The following AGBL2 variants were observed in gnomAD, a reference collection of about 807,000 sequenced individuals.
AGBL2 encodes AGBL carboxypeptidase 2.
Under a neutral mutation model 103.0 loss-of-function variants are expected in AGBL2, and 87 were observed. That is an observed-to-expected ratio of 0.84 (90% CI 0.71 to 1.01). The LOEUF (loss-of-function observed/expected upper bound fraction) is 1.01. Ranked by LOEUF, AGBL2 falls within the 50% of genes least tolerant of loss-of-function variation. The probability of loss-of-function intolerance (pLI) is 0.00; values close to 1 mark genes in which losing one functional copy is unlikely to be tolerated. For synonymous variants in AGBL2, 335 were observed against 356.7 expected (o/e 0.94, Z 0.69); for missense variants, 904 against 1,023.5 (o/e 0.88, Z 1.59).
chr11:47,702,738 G>A (rs1365070366), intron 7 of AGBL2, among the ~76,000 whole-genome samples: 10 of 152,198 alleles, frequency 6.6e-5, no homozygotes, highest in Non-Finnish European at 1.3e-4. Context: ...GCTGGGTGCG[G>A]TGGTGGGTGC....
At chr11:47,661,219 T>A (rs1015984202) in intron 18 of AGBL2, among the ~76,000 whole-genome samples, 4 of 152,124 alleles carry the variant, frequency 2.6e-5, no homozygotes, top group Non-Finnish European at 5.9e-5. Context: ...TGGATAACAT[T>A]CATCCACTAC....
intron 8 of AGBL2, among the ~76,000 whole-genome samples, chr11:47,693,923 C>T (rs566020502): frequency 6.6e-6 from 1 of 152,212 alleles, no homozygotes; most frequent in African/African-American, 2.4e-5. Context: ...GGTGTAGTGG[C>T]TCATGCCTGT....
rs1013205713 is a variant in AGBL2, at chr11:47,710,485, C to T, written c.124G>A (p.Ala42Thr). Residue 42 changes from alanine (A) to threonine (T), a missense_variant, in exon 4 of 19, where the codon GCT becomes ACT. By Grantham distance (58) the Ala-to-Thr change is moderately conservative. Transcript: ENST00000525123. ...TTCTTCCGAACATGCTGATGCGTAGCAGAGTTTGGTAAACTGCCTCTCTGA... is the reference window on the plus strand; with the variant it reads ...TTCTTCCGAACATGCTGATGCGTAGTAGAGTTTGGTAAACTGCCTCTCTGA... ...KAQRGSLPNSATHQHVRKNNP... is the reference protein window; with the variant it reads ...KAQRGSLPNSTTHQHVRKNNP... 1 of 1,613,990 alleles carries T rather than the reference C, an allele frequency of 6.2e-7. No individual in the cohort carries two copies. Among genetic ancestry groups the T allele is most frequent in the African/African-American group, 1.3e-5 (1 of 74,918 alleles).
At chr11:47,691,729 A>AAAAT in intron 9 of AGBL2, among the ~76,000 whole-genome samples, 2 of 4,850 alleles carry the variant, frequency 4.1e-4, no homozygotes, top group Non-Finnish European at 7.3e-4. Flanking sequence ...AAAAAAAAAA[A>AAAAT]ATATATATAT....
chr11:47,662,556 G>A (rs1437260126), intron 18 of AGBL2, among the ~76,000 whole-genome samples: 4 of 146,210 alleles, frequency 2.7e-5, no homozygotes, highest in South Asian at 2.2e-4. Context: ...GCAATGGCAC[G>A]ATCTCAGCTC....
In AGBL2 at chr11:47,690,574, G is replaced by A. The variant is rs374430629; in HGVS notation, c.1133C>T (p.Thr378Met). 11 of 1,614,066 alleles carry A rather than the reference G, an allele frequency of 6.8e-6. No homozygotes were observed. Among genetic ancestry groups the A allele is most frequent in the African/African-American group, 2.7e-5 (2 of 74,930 alleles). Residue 378 changes from threonine to methionine, a missense_variant, in exon 10 of 19, where the codon ACG (threonine) becomes ATG (methionine). Transcript: ENST00000525123. Reference protein sequence around the residue: ...DDGQQPFYCLTWTIQFPYDQD... With the variant: ...DDGQQPFYCLMWTIQFPYDQD... Reference sequence around the variant, plus strand: ...GTCATATGGAAACTGAATGGTCCACGTGAGACAGTAGAAGGGCTGCTGCCC... The same window carrying A: ...GTCATATGGAAACTGAATGGTCCACATGAGACAGTAGAAGGGCTGCTGCCC...
chr11:47,712,237 G>A (rs2097538220), intron 3 of AGBL2, among the ~76,000 whole-genome samples: 1 of 151,972 alleles, frequency 6.6e-6, no homozygotes. Flanking sequence ...TACTATCAGT[G>A]GTTTCAGGCC....
chr11:47,681,877 T>C, intron 12 of AGBL2, 92 bp downstream of exon 12: 1 of 1,458,390 alleles, frequency 6.9e-7, no homozygotes, highest in Non-Finnish European at 9.3e-7. Context: ...AGATCAGTTA[T>C]CTCCCCAGCA....
At chr11:47,710,733 T>G in intron 3 of AGBL2, 1 of 605,550 alleles carries the variant, frequency 1.7e-6, no homozygotes, top group East Asian at 3.6e-5. Context: ...AGAGGAGACT[T>G]GAGAAGCAGC....
At chr11:47,696,018 A>AAG (rs1477860237) in intron 8 of AGBL2, among the ~76,000 whole-genome samples, 3 of 29,748 alleles carry the variant, frequency 1.0e-4, no homozygotes, top group Non-Finnish European at 1.8e-4. Context: ...TACAAAAAAA[A>AAG]AAAAAAAAAA....
intron 2 of AGBL2, 92 bp downstream of exon 2, chr11:47,714,526 C>T: frequency 7.0e-7 from 1 of 1,423,476 alleles, no homozygotes; most frequent in South Asian, 1.1e-5. Context: ...ACCAGAACAT[C>T]CCTTCTCATC....
intron 18 of AGBL2, among the ~76,000 whole-genome samples, chr11:47,661,814 A>G (rs1431639495): frequency 6.7e-6 from 1 of 150,014 alleles, no homozygotes; most frequent in Non-Finnish European, 1.5e-5. Flanking sequence ...CAGTGGTGCG[A>G]TCTCTGCTCA....
intron 11 of AGBL2, among the ~76,000 whole-genome samples, chr11:47,685,010 C>T (rs1408509845): frequency 1.3e-5 from 2 of 151,982 alleles, no homozygotes; most frequent in Non-Finnish European, 1.5e-5. Context: ...AGTTTGAGAA[C>T]AGCTTAGCCA....
At chr11:47,675,873 G>A (rs2097373124) in intron 14 of AGBL2, among the ~76,000 whole-genome samples, 1 of 151,978 alleles carries the variant, frequency 6.6e-6, no homozygotes, top group Non-Finnish European at 1.5e-5. Flanking sequence ...GGGCATGATG[G>A]TGCACACCTG....
At chr11:47,705,685 G>A (rs1458680262) in intron 5 of AGBL2, 51 bp from the exon 6 acceptor site, 14 of 626,642 alleles carry the variant, frequency 2.2e-5, no homozygotes, top group Non-Finnish European at 2.9e-5. Flanking sequence ...AAGGGAATGA[G>A]GAAAAAAGAA....
rs1191142036 is a variant in AGBL2, at chr11:47,661,621, C to A, written c.2536-1275G>T. 6.6e-5 allele frequency among the ~76,000 whole-genome samples: 10 copies of A among 152,074 alleles called. No homozygotes were observed. In the East Asian group the frequency reaches 1.9e-3, roughly 29 times the overall value. ...CAGGGACTCCATCCATTGGGAGAAC[C>A]ATCTACTCTATATCTAGTACACCTA... On this transcript the variant is annotated intron_variant, in intron 18 of 18. Coordinates refer to ENST00000525123, the MANE Select transcript of AGBL2 (RefSeq NM_024783.4).
intron 8 of AGBL2, among the ~76,000 whole-genome samples, chr11:47,697,235 T>C (rs1302532743): frequency 3.3e-5 from 5 of 151,490 alleles, no homozygotes; most frequent in African/African-American, 1.2e-4. Context: ...AGCCTCTTAA[T>C]GATGATGATG....
chr11:47,661,131 C>T (rs564318923), intron 18 of AGBL2, among the ~76,000 whole-genome samples: 1 of 151,996 alleles, frequency 6.6e-6, no homozygotes, highest in East Asian at 1.9e-4. Flanking sequence ...CCACTGCACT[C>T]CAGCCTGGGC....
intron 7 of AGBL2, among the ~76,000 whole-genome samples, chr11:47,700,752 AAGTG>A (rs2097495417): frequency 6.6e-6 from 1 of 152,098 alleles, no homozygotes; most frequent in South Asian, 2.1e-4. Context: ...AGATTATAGG[AAGTG>A]ATGAGGCTTT....
Sources: allele counts gnomAD v4.1 joint callset (sites outside exome capture counted in the v4.1 genomes callset), GRCh38; gene constraint gnomAD v4.1.1; transcripts MANE v1.5; gene names NCBI Gene and HGNC (gene_info 2026-07-23, HGNC 2026-07-21).